The following KATNA1 variants were observed in gnomAD, a reference collection of about 807,000 sequenced individuals.
The protein encoded by KATNA1 is katanin p60 ATPase-containing subunit A1.
Under a neutral mutation model 62.6 loss-of-function variants are expected in KATNA1, and 42 were observed. The ratio of observed to expected loss-of-function variants is 0.67; its 90% CI spans 0.52 to 0.87. The LOEUF is 0.87. KATNA1 is among the 40% of genes least tolerant of loss of function. The pLI is 0.00. For missense variants in KATNA1, 498 were observed against 612.5 expected (o/e 0.81, Z 1.97); for synonymous variants, 186 against 201.9 (o/e 0.92, Z 0.67).
chr6:149,646,349 T>C (rs1780488892), intron 1 of KATNA1, among the ~76,000 whole-genome samples: 2 of 152,226 alleles, frequency 1.3e-5, no homozygotes, highest in Admixed American at 6.5e-5. Flanking sequence ...AATACCTCTC[T>C]GTAAAATTTA....
chr6:149,638,727 A>ATTG (rs1562302314), intron 1 of KATNA1, 167 bp from the exon 2 acceptor site: 1 of 240,742 alleles, frequency 4.2e-6, no homozygotes, highest in African/African-American at 2.6e-5. Context: ...TAAAAAAAAC[A>ATTG]TTGTTTTTTT....
chr6:149,644,628 T>A (rs1204029951), intron 1 of KATNA1, among the ~76,000 whole-genome samples: 3 of 151,656 alleles, frequency 2.0e-5, no homozygotes, highest in African/African-American at 4.8e-5. Context: ...ATCAAAAAAA[T>A]AAAATAAAAT....
chr6:149,601,803 A>G, intron 6 of KATNA1, 51 bp from the exon 7 acceptor site: 3 of 1,406,456 alleles, frequency 2.1e-6, no homozygotes, highest in Non-Finnish European at 2.8e-6. Context: ...CATTGTTCTA[A>G]TTCATAAAAG....
intron 1 of KATNA1, among the ~76,000 whole-genome samples, chr6:149,639,241 G>A (rs549603574): frequency 4.6e-5 from 7 of 152,202 alleles, no homozygotes; most frequent in African/African-American, 1.7e-4. Context: ...AGAGGTTGCA[G>A]TAGGCCAAGA....
chr6:149,611,413 G>C (rs969095590), intron 4 of KATNA1, among the ~76,000 whole-genome samples: 1 of 142,124 alleles, frequency 7.0e-6, no homozygotes, highest in Non-Finnish European at 1.5e-5. Context: ...AGTGAGCTGA[G>C]ATGGCGCCAT....
chr6:149,596,272 C>T (rs1420522183), intron 10 of KATNA1, among the ~76,000 whole-genome samples: 2 of 152,170 alleles, frequency 1.3e-5, no homozygotes, highest in African/African-American at 2.4e-5. Context: ...TGGTGGCTCA[C>T]GCCTGTAATC....
chr6:149,638,534 A>T lies in KATNA1; in HGVS notation c.14T>A (p.Met5Lys). The T allele has an allele frequency of 6.2e-7, 1 of 1,613,052 alleles. No homozygotes were observed. Among genetic ancestry groups the T allele is most frequent in the Non-Finnish European group, 8.5e-7 (1 of 1,179,378 alleles). The change falls in exon 2 of 11, where the codon ATG (methionine) becomes AAG (lysine). Residue 5 changes from methionine (M) to lysine (K), a missense_variant. Met to Lys is a moderately conservative substitution (Grantham distance 95, BLOSUM62 -1). Around this residue, in one of 3 missense-constraint regions of KATNA1, gnomAD observed 28 missense variants for 41.6 expected, o/e 0.67. Transcript: ENST00000367411. ...AGCCAATTTTACATTCTCACTAATCATAAGAAGACTCATGTTCAACTGTAA... is the reference window on the plus strand; with the variant it reads ...AGCCAATTTTACATTCTCACTAATCTTAAGAAGACTCATGTTCAACTGTAA... The part of the protein sequence containing the change: MSLL[M>K]ISENVKLARE...
chr6:149,603,388 A>G lies in KATNA1; in HGVS notation c.624-15T>C, dbSNP rs922245654. The G allele has an allele frequency of 3.9e-6, 5 of 1,292,568 alleles. No homozygotes were observed. Among genetic ancestry groups the G allele is most frequent in the Non-Finnish European group, 1.1e-6 (1 of 893,972 alleles). The allele number at this position is 1,292,568 out of a possible 1,614,324, so 80.1% of individuals were successfully genotyped here. On this transcript the variant is annotated splice_polypyrimidine_tract_variant and intron_variant, in intron 5 of 10. Coordinates refer to ENST00000367411, the MANE Select transcript of KATNA1 (RefSeq NM_007044.4). ...CGATATCATCCCTGAAAGAGAAGAC[A>G]TTTTATTAACAACCCTTTAGATGAT...
intron 10 of KATNA1, among the ~76,000 whole-genome samples, chr6:149,596,839 G>C (rs756857599): frequency 6.6e-6 from 1 of 152,022 alleles, no homozygotes; most frequent in Non-Finnish European, 1.5e-5. Flanking sequence ...GAGATTACAG[G>C]CGTGAGCCAC....
intron 4 of KATNA1, among the ~76,000 whole-genome samples, chr6:149,622,856 A>AC (rs1779453161): frequency 1.8e-3 from 1 of 560 alleles, no homozygotes; most frequent in South Asian, 0.12. Flanking sequence ...CTAATAATAC[A>AC]AAATTAGCTC....
chr6:149,618,614 G>A (rs1336696370), intron 4 of KATNA1, among the ~76,000 whole-genome samples: 1 of 152,136 alleles, frequency 6.6e-6, no homozygotes, highest in Non-Finnish European at 1.5e-5. Flanking sequence ...AAAACAGCAT[G>A]GTACTGGCAT....
intron 3 of KATNA1, among the ~76,000 whole-genome samples, chr6:149,624,480 C>T (rs1779527886): frequency 6.6e-6 from 1 of 152,038 alleles, no homozygotes; most frequent in Admixed American, 6.6e-5. Context: ...CTCCCAAGCT[C>T]AAGCAATCCT....
chr6:149,623,068 AT>A, intron 4 of KATNA1, 34 bp downstream of exon 4: 1 of 1,456,202 alleles, frequency 6.9e-7, no homozygotes, highest in Middle Eastern at 1.8e-4. Context: ...CGGTTCAAAA[AT>A]AACTTTCATT....
At chr6:149,612,199 T>C (rs1359145970) in intron 4 of KATNA1, among the ~76,000 whole-genome samples, 3 of 152,048 alleles carry the variant, frequency 2.0e-5, no homozygotes, top group Admixed American at 6.6e-5. Flanking sequence ...GGTAGTTTCA[T>C]TGTAGAAACA....
chr6:149,614,598 C>G (rs184756661), intron 4 of KATNA1, among the ~76,000 whole-genome samples: 7 of 151,924 alleles, frequency 4.6e-5, no homozygotes, highest in African/African-American at 1.7e-4. Context: ...GCAGTGAGAC[C>G]CTGTCTCTAC....
At chr6:149,600,916 T>C (rs1778520357) in intron 7 of KATNA1, among the ~76,000 whole-genome samples, 1 of 152,060 alleles carries the variant, frequency 6.6e-6, no homozygotes, top group African/African-American at 2.4e-5. Flanking sequence ...CATACCAGCC[T>C]AGGCAAGACT....
Position 149,638,466 on chromosome 6 carries a change from A to T in KATNA1, c.82T>A (p.Tyr28Asn). 6.2e-7 allele frequency: 1 copy of T among 1,613,732 alleles called. No individual in the cohort carries two copies. The highest frequency in any genetic ancestry group is 8.5e-7 in the Non-Finnish European group (1 of 1,179,684). The change falls in exon 2 of 11, where the codon TAT becomes AAT. Residue 28 changes from tyrosine to asparagine, a missense_variant. Around this residue, in one of 3 missense-constraint regions of KATNA1, gnomAD observed 28 missense variants for 41.6 expected, o/e 0.67. Transcript: ENST00000367411. ...LLGNYDSAMVYYQGVLDQMNK... is the reference protein window; with the variant it reads ...LLGNYDSAMVNYQGVLDQMNK... The stretch of plus-strand genomic sequence containing the variant: ...ATTTGGTCAAGAACTCCCTGATAAT[A>T]GACCATCGCAGAGTCATAGTTTCCC...
intron 4 of KATNA1, among the ~76,000 whole-genome samples, chr6:149,622,139 T>TG (rs1779423141): frequency 6.6e-6 from 1 of 151,778 alleles, no homozygotes; most frequent in Non-Finnish European, 1.5e-5. Context: ...TTTGTTTTTT[T>TG]TTTTTTTCCT....
chr6:149,596,057 CCAA>C (rs1310312616), intron 10 of KATNA1, among the ~76,000 whole-genome samples: 10 of 152,154 alleles, frequency 6.6e-5, no homozygotes, highest in African/African-American at 2.4e-4. Context: ...AACAAAGGCA[CCAA>C]CAATTTATTT....
Sources: gnomAD v4.1 joint callset for allele counts (sites outside exome capture counted in the v4.1 genomes callset) on GRCh38, gnomAD v4.1.1 for gene constraint, gnomAD v4.1.1 regional missense constraint, MANE v1.5 for transcripts, NCBI Gene and HGNC (gene_info 2026-07-23, HGNC 2026-07-21) for gene names.